PKNOX1: variants seen among roughly 807,000 people sequenced by gnomAD.
PKNOX1 encodes homeobox protein PKNOX1.
PKNOX1 carries 15 observed loss-of-function variants against 51.9 expected under a neutral mutation model. The ratio of observed to expected loss-of-function variants is 0.29; its 90% CI spans 0.19 to 0.45. The LOEUF is 0.45. Ranked by LOEUF, PKNOX1 falls within the 20% of genes least tolerant of loss-of-function variation. The pLI is 1.00. For missense variants in PKNOX1, 462 were observed against 547.5 expected, an observed-to-expected ratio of 0.84 and a Z score of 1.56; for synonymous variants, 219 against 211.1, an observed-to-expected ratio of 1.04 and a Z score of -0.32.
intron 5 of PKNOX1, among the ~76,000 whole-genome samples, chr21:43,014,637 C>G (rs190189021): frequency 8.3e-4 from 126 of 152,314 alleles, no homozygotes; most frequent in Middle Eastern, 6.8e-3. Context: ...TAAATAGAGA[C>G]AAGGTCTCAC....
At chr21:43,013,326 A>C in intron 5 of PKNOX1, 88 bp downstream of exon 5, 1 of 1,014,640 alleles carries the variant, frequency 9.9e-7, no homozygotes, top group Non-Finnish European at 1.4e-6. Context: ...TTCAGAATTC[A>C]CTGGGTCATC....
intron 1 of PKNOX1, among the ~76,000 whole-genome samples, chr21:42,994,181 C>T (rs1414963968): frequency 1.4e-5 from 2 of 145,488 alleles, no homozygotes; most frequent in Non-Finnish European, 3.0e-5. Context: ...GCTGGGACTA[C>T]AGACATGTGC....
At chr21:42,981,022 A>G (rs761471004) in intron 1 of PKNOX1, among the ~76,000 whole-genome samples, 1 of 152,180 alleles carries the variant, frequency 6.6e-6, no homozygotes, top group Non-Finnish European at 1.5e-5. Flanking sequence ...AACGGCACAG[A>G]TAGGGGAACC....
At chr21:42,991,447 C>T (rs1447518695) in intron 1 of PKNOX1, among the ~76,000 whole-genome samples, 1 of 152,100 alleles carries the variant, frequency 6.6e-6, no homozygotes, top group African/African-American at 2.4e-5. Context: ...ATTGTATTGG[C>T]CAGGCGTGGT....
At chr21:43,022,114 G>A (rs1212492310) in intron 8 of PKNOX1, among the ~76,000 whole-genome samples, 4 of 152,184 alleles carry the variant, frequency 2.6e-5, no homozygotes, top group African/African-American at 7.2e-5. Flanking sequence ...AGGCCAAGGC[G>A]GGAAGGCAGA....
In PKNOX1 at chr21:43,021,823, T is replaced by A. The variant is rs575165396; in HGVS notation, c.849+392T>A. 1.3e-5 allele frequency among the ~76,000 whole-genome samples: 2 copies of A among 152,346 alleles called. No homozygotes were observed. The highest frequency in any genetic ancestry group is 3.9e-4 in the East Asian group (2 of 5,180). On this transcript the variant is annotated intron_variant, in intron 8 of 10. Transcript: ENST00000291547. This position sits in a 1 kb window ranked among gnomAD's most constrained non-coding sequence, Gnocchi z 4.6. ...GGGTTAGAGACATCGCAGGGCCGGG[T>A]GCACCCACAGGTGGGCCACCGGGTG...
At chr21:43,019,805 G>A in intron 7 of PKNOX1, among the ~76,000 whole-genome samples, 1 of 152,068 alleles carries the variant, frequency 6.6e-6, no homozygotes, top group East Asian at 1.9e-4. Flanking sequence ...GCCTCCCAAA[G>A]TGCTGGGATT....
intron 9 of PKNOX1, among the ~76,000 whole-genome samples, chr21:43,025,540 G>A (rs915648788): frequency 2.6e-5 from 4 of 152,182 alleles, no homozygotes; most frequent in Non-Finnish European, 5.9e-5. Context: ...TTCTAGTCCT[G>A]CTGTCAAACA....
chr21:43,002,586 G>A (rs942262737), intron 1 of PKNOX1, among the ~76,000 whole-genome samples: 2 of 152,198 alleles, frequency 1.3e-5, no homozygotes, highest in African/African-American at 4.8e-5. Context: ...AGGTGTAAGT[G>A]GCATCACAGC....
chr21:42,982,410 A>G (rs1411669567), intron 1 of PKNOX1, among the ~76,000 whole-genome samples: 1 of 152,174 alleles, frequency 6.6e-6, no homozygotes, highest in Non-Finnish European at 1.5e-5. Flanking sequence ...TGCATTAAAA[A>G]TGTTAGGAAT....
intron 1 of PKNOX1, among the ~76,000 whole-genome samples, chr21:42,975,652 A>T (rs1331692335): frequency 2.0e-5 from 3 of 152,166 alleles, no homozygotes; most frequent in Non-Finnish European, 4.4e-5. Context: ...CCGATGGCGG[A>T]TTCCTGACGG....
intron 8 of PKNOX1, among the ~76,000 whole-genome samples, chr21:43,023,149 G>T (rs560152439): frequency 6.6e-6 from 1 of 151,898 alleles, no homozygotes; most frequent in Non-Finnish European, 1.5e-5. Flanking sequence ...ATCTCTGGCT[G>T]TTTGGTGTTT....
rs559872157 is a variant in PKNOX1 at position 43,027,021 on chromosome 21, T to TA, written c.927-1674dup. Among the ~76,000 whole-genome samples, 34 of 152,152 alleles carry TA rather than the reference T, an allele frequency of 2.2e-4. No homozygotes were observed. In the East Asian group the frequency reaches 6.4e-3, roughly 28 times the overall value. ...GTTGTTGTTTTGCAGAGGGGGGCAT[T>TA]AAAAAAAGAAAGAAGTTGTCACAGT... On this transcript the variant is annotated intron_variant, in intron 9 of 10. Coordinates refer to ENST00000291547, the MANE Select transcript of PKNOX1 (RefSeq NM_004571.5).
chr21:42,979,806 T>TTA (rs1477377465), intron 1 of PKNOX1, among the ~76,000 whole-genome samples: 1 of 152,182 alleles, frequency 6.6e-6, no homozygotes, highest in Non-Finnish European at 1.5e-5. Context: ...CAGCAGTGTG[T>TTA]TATACCACTA....
chr21:43,015,851 G>A (rs1459657691), intron 5 of PKNOX1, among the ~76,000 whole-genome samples: 1 of 151,844 alleles, frequency 6.6e-6, no homozygotes, highest in Non-Finnish European at 1.5e-5. Flanking sequence ...AGAGGTTTAT[G>A]TAATTTTCAA....
intron 3 of PKNOX1, among the ~76,000 whole-genome samples, chr21:43,009,359 C>T (rs543175630): frequency 1.1e-4 from 17 of 152,200 alleles, no homozygotes; most frequent in African/African-American, 3.6e-4. Flanking sequence ...GCAGGAGAAT[C>T]GCTTGAACCC....
chr21:43,004,866 G>A (rs544345255), intron 2 of PKNOX1, among the ~76,000 whole-genome samples: 2 of 152,188 alleles, frequency 1.3e-5, no homozygotes, highest in African/African-American at 4.8e-5. Flanking sequence ...TAATGAATTT[G>A]CAGGGGCCCC....
intron 10 of PKNOX1, 42 bp from the exon 11 acceptor site, chr21:43,029,848 G>A (rs1980169464): frequency 6.5e-7 from 1 of 1,539,744 alleles, no homozygotes; most frequent in East Asian, 2.3e-5. Context: ...GTTTTTCTGT[G>A]AGTACTAATT....
At chr21:42,999,643 G>A (rs963946099) in intron 1 of PKNOX1, among the ~76,000 whole-genome samples, 1 of 151,996 alleles carries the variant, frequency 6.6e-6, no homozygotes, top group African/African-American at 2.4e-5. Flanking sequence ...ACCAAGCCCG[G>A]CTAATTTTCG....
Sources: allele counts gnomAD v4.1 joint callset (sites outside exome capture counted in the v4.1 genomes callset), GRCh38; gene constraint gnomAD v4.1.1; non-coding constraint Gnocchi (gnomAD v3.1); transcripts MANE v1.5; gene names NCBI Gene and HGNC (gene_info 2026-07-23, HGNC 2026-07-21).